Variants in MYSM1 observed in about 807,000 individuals in gnomAD.
The protein encoded by MYSM1 is Myb like, SWIRM and MPN domains 1.
A neutral mutation model predicts 116.0 loss-of-function variants in MYSM1; 51 were observed. The ratio of observed to expected loss-of-function variants is 0.44; its 90% CI spans 0.35 to 0.56. The LOEUF (loss-of-function observed/expected upper bound fraction) is 0.56. Among genes scored for constraint, MYSM1 ranks in the 20% least tolerant of loss-of-function variants. The probability of loss-of-function intolerance (pLI) is 0.00; values close to 1 mark genes in which losing one functional copy is unlikely to be tolerated. For synonymous variants in MYSM1, 313 were observed against 315.2 expected (o/e 0.99, Z 0.07); for missense variants, 900 against 974.9 (o/e 0.92, Z 1.02).
chr1:58,669,644 T>C (rs1206445845), intron 12 of MYSM1, among the ~76,000 whole-genome samples: 1 of 151,786 alleles, frequency 6.6e-6, no homozygotes, highest in Non-Finnish European at 1.5e-5. Flanking sequence ...CTGGATAACA[T>C]GGTGAAACCC....
intron 3 of MYSM1, 121 bp from the exon 4 acceptor site, chr1:58,690,538 G>C: frequency 1.6e-6 from 1 of 623,062 alleles, no homozygotes; most frequent in Non-Finnish European, 2.6e-6. Flanking sequence ...CCAATTAGAA[G>C]TGACTACAAG....
In MYSM1 at chr1:58,659,014, ACAT is replaced by A. The variant is rs1192670403; in HGVS notation, c.*980_*982del. 1 of 147,256 alleles carries A rather than the reference ACAT, an allele frequency of 6.8e-6. No individual in the cohort carries two copies. The highest frequency in any genetic ancestry group is 1.5e-5 in the Non-Finnish European group (1 of 66,638). 9.1% of individuals were successfully genotyped at this position (147,256 alleles called of 1,614,324 possible). A position where few individuals can be genotyped will look rare whatever the true frequency, so the allele number is the denominator to read the frequency against. The stretch of plus-strand genomic sequence containing the variant: ...ACACACAAAGAAGAATGTCTCATAG[ACAT>A]CATATGTGGCCTGAAAAGCCAAAAT... On this transcript the variant is annotated 3_prime_UTR_variant, in exon 20 of 20. Transcript: ENST00000472487.
chr1:58,687,073 T>C (rs1644837737), intron 6 of MYSM1, among the ~76,000 whole-genome samples: 2 of 152,100 alleles, frequency 1.3e-5, no homozygotes. Flanking sequence ...AAAAAGCCTT[T>C]CTTCATCAAT....
rs1644346090 is a variant in MYSM1, at chr1:58,658,398, T to C, written c.*1599A>G. On this transcript the variant is annotated 3_prime_UTR_variant, in exon 20 of 20. Coordinates refer to ENST00000472487, the MANE Select transcript of MYSM1 (RefSeq NM_001085487.3). ...ACTCAAAATATAAACTTCACAAGAG[T>C]AGTCCAACGATTAGAATGAACAATA... The C allele has an allele frequency of 6.6e-6, 1 of 151,088 alleles. No individual in the cohort carries two copies. The highest frequency in any genetic ancestry group is 1.9e-4 in the East Asian group (1 of 5,164). The allele number at this position is 151,088 out of a possible 1,614,324, so 9.4% of individuals were successfully genotyped here.
In MYSM1 at chr1:58,659,915, G is replaced by GT; in HGVS notation, c.*81dup. ...GAAAAAATACCAAAGCTGTGCCAAT[G>GT]TTAACTACAATCACTTCAAGTTTAT... On this transcript the variant is annotated 3_prime_UTR_variant, in exon 20 of 20. Transcript: ENST00000472487. The GT allele has an allele frequency of 1.1e-6, 1 of 934,742 alleles. No homozygotes were observed. The allele number at this position is 934,742 out of a possible 1,614,324, so 57.9% of individuals were successfully genotyped here.
intron 6 of MYSM1, among the ~76,000 whole-genome samples, chr1:58,685,885 A>G (rs1644820609): frequency 6.6e-6 from 1 of 152,218 alleles, no homozygotes; most frequent in Non-Finnish European, 1.5e-5. Flanking sequence ...TATATGCTGC[A>G]CACATCAACA....
At position 58,693,402 on chromosome 1, in the gene MYSM1, A is replaced by G. The variant is rs1271555441; in HGVS notation, c.148-471T>C. Among the ~76,000 whole-genome samples, 7 of 152,276 alleles carry G rather than the reference A, an allele frequency of 4.6e-5. 1 individual carries two copies. In the East Asian group the frequency reaches 1.4e-3, roughly 29 times the overall value. ...CTTCAAGCTCTAGGCCATAATACCCAACAGCCCATCCGAGATTTCTACTTG... is the reference window on the plus strand; with the variant it reads ...CTTCAAGCTCTAGGCCATAATACCCGACAGCCCATCCGAGATTTCTACTTG... On this transcript the variant is annotated intron_variant, in intron 2 of 19. Coordinates refer to ENST00000472487, the MANE Select transcript of MYSM1 (RefSeq NM_001085487.3).
chr1:58,682,623 AATAT>A lies in MYSM1; in HGVS notation c.499-82_499-79del, dbSNP rs530737331. On this transcript the variant is annotated intron_variant, in intron 7 of 19. Transcript: ENST00000472487. ...TCACTGGTACACACAAAAAAGGATA[AATAT>A]ACAGTGTTATTAAACTGAATACATG... 896 of 1,307,268 alleles carry A rather than the reference AATAT, an allele frequency of 6.9e-4. 8 individuals are homozygous for A. The African/African-American group carries it at 0.012, about 18-fold the overall frequency. The allele number at this position is 1,307,268 out of a possible 1,614,324, so 81.0% of individuals were successfully genotyped here. A position where few individuals can be genotyped will look rare whatever the true frequency, so the allele number is the denominator to read the frequency against.
intron 1 of MYSM1, among the ~76,000 whole-genome samples, chr1:58,696,078 T>C (rs80004082): frequency 2.3e-3 from 344 of 152,358 alleles, no homozygotes; most frequent in African/African-American, 7.8e-3. Flanking sequence ...GTGGGGCTAA[T>C]GAACTATTCT....
At chr1:58,686,578 A>G (rs2100662381) in intron 6 of MYSM1, among the ~76,000 whole-genome samples, 1 of 152,364 alleles carries the variant, frequency 6.6e-6, no homozygotes, top group East Asian at 1.9e-4. Flanking sequence ...AGAAAATATG[A>G]CATATGGACA....
chr1:58,698,349 C>T (rs993834660), intron 1 of MYSM1, among the ~76,000 whole-genome samples: 4 of 151,468 alleles, frequency 2.6e-5, no homozygotes, highest in Non-Finnish European at 4.4e-5. Context: ...ATCTGCCCGC[C>T]TCGGTCTCCC....
rs762869088 is a variant in MYSM1 at position 58,659,944 on chromosome 1, T to C, written c.*53A>G. 8.4e-7 allele frequency: 1 copy of C among 1,189,390 alleles called. No individual in the cohort carries two copies. Among genetic ancestry groups the C allele is most frequent in the Non-Finnish European group, 1.1e-6 (1 of 886,842 alleles). The allele number at this position is 1,189,390 out of a possible 1,614,324, so 73.7% of individuals were successfully genotyped here. On this transcript the variant is annotated 3_prime_UTR_variant, in exon 20 of 20. Transcript: ENST00000472487. Reference sequence around the variant, plus strand: ...ACTACAATCACTTCAAGTTTATAACTTTGAAAGTAAGATCTACTGTGTCAA... The same window carrying C: ...ACTACAATCACTTCAAGTTTATAACCTTGAAAGTAAGATCTACTGTGTCAA...
At chr1:58,698,473 C>T (rs1051095075) in intron 1 of MYSM1, among the ~76,000 whole-genome samples, 4 of 152,054 alleles carry the variant, frequency 2.6e-5, no homozygotes, top group Admixed American at 2.6e-4. Context: ...GAACCAATAA[C>T]CTTTGTAATC....
Position 58,656,990 on chromosome 1 carries a change from C to A in MYSM1, c.*3007G>T, listed in dbSNP as rs1004506367. 2 of 151,960 alleles carry A rather than the reference C, an allele frequency of 1.3e-5. No individual in the cohort carries two copies. Among genetic ancestry groups the A allele is most frequent in the African/African-American group, 4.8e-5 (2 of 41,360 alleles). The allele number at this position is 151,960 out of a possible 1,614,324, so 9.4% of individuals were successfully genotyped here. On this transcript the variant is annotated 3_prime_UTR_variant, in exon 20 of 20. Coordinates refer to ENST00000472487, the MANE Select transcript of MYSM1 (RefSeq NM_001085487.3). ...AGATGGCAAAACTATCTAGGGCCCA[C>A]AAGAATCATAATGCAGCTCTGAATA... is the stretch of plus-strand genomic sequence containing the variant.
At chr1:58,686,311 AGTCTAACT>A (rs1349226727) in intron 6 of MYSM1, among the ~76,000 whole-genome samples, 3 of 152,234 alleles carry the variant, frequency 2.0e-5, no homozygotes, top group African/African-American at 7.2e-5. Flanking sequence ...TTAGGTATCA[AGTCTAACT>A]ATAATTTAAT....
chr1:58,660,624 G>C (rs1044157299), intron 19 of MYSM1, among the ~76,000 whole-genome samples: 1 of 151,984 alleles, frequency 6.6e-6, no homozygotes, highest in African/African-American at 2.4e-5. Context: ...TAACAGAAAG[G>C]AGTAAAACAT....
chr1:58,660,288 T>C, intron 19 of MYSM1, 133 bp from the exon 20 acceptor site: 1 of 522,186 alleles, frequency 1.9e-6, no homozygotes, highest in Non-Finnish European at 3.1e-6. Context: ...TTAAAAATGG[T>C]TGAAGATTAA....
chr1:58,661,319 A>C (rs1319467201), intron 18 of MYSM1, 87 bp downstream of exon 18: 2 of 1,343,880 alleles, frequency 1.5e-6, no homozygotes, highest in Middle Eastern at 1.8e-4. Flanking sequence ...ATACATCACA[A>C]TTTTATATTT....
At chr1:58,675,786 G>A (rs142650925) in intron 9 of MYSM1, among the ~76,000 whole-genome samples, 23 of 152,246 alleles carry the variant, frequency 1.5e-4, no homozygotes, top group African/African-American at 5.3e-4. Context: ...TTTAGAAAAT[G>A]GGTAGTTTGC....
Sources: allele counts gnomAD v4.1 joint callset (sites outside exome capture counted in the v4.1 genomes callset), GRCh38; gene constraint gnomAD v4.1.1; transcripts MANE v1.5; gene names NCBI Gene and HGNC (gene_info 2026-07-23, HGNC 2026-07-21).